Variants in PAM16 observed in about 807,000 individuals in gnomAD.
PAM16 encodes the protein mitochondrial import inner membrane translocase subunit TIM16.
A neutral mutation model predicts 17.9 loss-of-function variants in PAM16; 11 were observed. The ratio of observed to expected loss-of-function variants is 0.62; its 90% CI spans 0.39 to 1.02. The LOEUF is 1.02. PAM16 is among the 50% of genes least tolerant of loss of function. The pLI is 0.01. For missense variants in PAM16, 199 were observed against 165.4 expected, an observed-to-expected ratio of 1.20 and a Z score of -1.11; for synonymous variants, 72 against 67.4, an observed-to-expected ratio of 1.07 and a Z score of -0.34.
Position 4,340,942 on chromosome 16 carries a change from C to T in PAM16, c.269G>A (p.Gly90Asp), listed in dbSNP as rs376875983. Residue 90 changes from glycine (G) to aspartate (D), a missense_variant, in exon 4 of 5, where the codon GGC (glycine) becomes GAC (aspartate). By Grantham distance (94) the Gly-to-Asp change is moderately conservative. Transcript: ENST00000318059. The part of the protein sequence containing the change: ...LFKVNDKSVG[G>D]SFYLQSKVVR... The stretch of plus-strand genomic sequence containing the variant: ...CACCTTTGACTGCAGGTAGAAGGAG[C>T]CACCCACGGATTTATCATTCACCTT... The T allele has an allele frequency of 6.2e-7, 1 of 1,613,648 alleles. No individual in the cohort carries two copies. Among genetic ancestry groups the T allele is most frequent in the Non-Finnish European group, 8.5e-7 (1 of 1,179,972 alleles).
intron 2 of PAM16, 100 bp downstream of exon 2, chr16:4,343,107 C>T: frequency 6.6e-7 from 1 of 1,517,410 alleles, no homozygotes; most frequent in Non-Finnish European, 9.1e-7. Context: ...TCAGGCCACG[C>T]ACACTTCAGA....
At chr16:4,342,582 A>G (rs1222695341) in intron 2 of PAM16, among the ~76,000 whole-genome samples, 2 of 150,936 alleles carry the variant, frequency 1.3e-5, no homozygotes, top group Admixed American at 6.6e-5. Flanking sequence ...TGAACCCGGG[A>G]GGCAGAGGTT....
intron 1 of PAM16, among the ~76,000 whole-genome samples, chr16:4,350,210 G>A (rs2141157395): frequency 6.6e-6 from 1 of 151,606 alleles, no homozygotes; most frequent in African/African-American, 2.4e-5. Context: ...TGCCTCCTGG[G>A]TTCAAGCGAT....
At position 4,351,244 on chromosome 16, in the gene PAM16, T is replaced by C. The variant is rs2053854891; in HGVS notation, c.-10A>G. 2.7e-6 allele frequency: 4 copies of C among 1,467,596 alleles called. No individual in the cohort carries two copies. The highest frequency in any genetic ancestry group is 1.4e-5 in the African/African-American group (1 of 69,702). 90.9% of individuals were successfully genotyped at this position (1,467,596 alleles called of 1,614,324 possible). On this transcript the variant is annotated 5_prime_UTR_variant, in exon 1 of 5. Transcript: ENST00000318059. Reference sequence around the variant, plus strand: ...ACTCGGGGCTCACCATGGCAGCCGCTCTGCCTCCGGGGCTCAAACTCCGAC... The same window carrying C: ...ACTCGGGGCTCACCATGGCAGCCGCCCTGCCTCCGGGGCTCAAACTCCGAC...
chr16:4,340,366 T>C lies in PAM16; in HGVS notation c.331A>G (p.Ile111Val). The change falls in exon 5 of 5, where the codon ATC becomes GTC. Residue 111 changes from isoleucine to valine, a missense_variant. Ile to Val is a conservative substitution (Grantham distance 29). Coordinates refer to ENST00000318059, the MANE Select transcript of PAM16 (RefSeq NM_016069.11). ...AKERLDEELK[I>V]QAQEDREKGQ... ...TTTTCTCTGTCCTCCTGGGCCTGGA[T>C]TTTGAGTTCCTCATCCAGGCGCTCC... 2 of 1,612,914 alleles carry C rather than the reference T, an allele frequency of 1.2e-6. No individual in the cohort carries two copies. The highest frequency in any genetic ancestry group is 1.7e-6 in the Non-Finnish European group (2 of 1,179,918).
intron 1 of PAM16, chr16:4,344,132 G>C (rs1462813371): frequency 7.6e-6 from 3 of 396,794 alleles, no homozygotes; most frequent in Admixed American, 4.4e-5. Context: ...ACTAAGATGT[G>C]AGCGGAAGCA....
Position 4,349,986 on chromosome 16 carries a change from GCTGTTACA to G in PAM16, c.3+1238_3+1245del, listed in dbSNP as rs576929914. Among the ~76,000 whole-genome samples the G allele has an allele frequency of 2.7e-3, 409 of 152,218 alleles. 3 individuals carry two copies. Among genetic ancestry groups the G allele is most frequent in the African/African-American group, 9.7e-3 (401 of 41,526 alleles). The stretch of plus-strand genomic sequence containing the variant: ...AGGGGCTGGCACTTGTACGCCGTTA[GCTGTTACA>G]TTATCCTTATTACTATGTTAGTTAA... On this transcript the variant is annotated intron_variant, in intron 1 of 4. Coordinates refer to ENST00000318059, the MANE Select transcript of PAM16 (RefSeq NM_016069.11).
intron 3 of PAM16, 51 bp from the exon 4 acceptor site, chr16:4,341,036 T>C (rs753337345): frequency 5.1e-5 from 82 of 1,609,134 alleles, no homozygotes; most frequent in Middle Eastern, 1.7e-4. Flanking sequence ...AGGCAAGAGA[T>C]GTTGGGCAGG....
At chr16:4,348,086 G>GC (rs2053785664) in intron 1 of PAM16, 1 of 152,192 alleles carries the variant, frequency 6.6e-6, no homozygotes. Flanking sequence ...CACTCTCAAG[G>GC]ACACTCTGGT....
intron 1 of PAM16, among the ~76,000 whole-genome samples, chr16:4,349,050 G>A (rs1022880217): frequency 1.3e-5 from 2 of 151,072 alleles, no homozygotes; most frequent in Non-Finnish European, 2.9e-5. Flanking sequence ...CGGCCTCCCG[G>A]GTTCAAGCCA....
intron 1 of PAM16, chr16:4,343,693 C>T (rs149186910): frequency 3.2e-4 from 180 of 567,322 alleles, no homozygotes; most frequent in African/African-American, 3.1e-3. Context: ...CATCACTCTT[C>T]CTGAGTTTCT....
chr16:4,344,527 G>T (rs1185059500), intron 1 of PAM16, among the ~76,000 whole-genome samples: 62 of 87,134 alleles, frequency 7.1e-4, no homozygotes, highest in East Asian at 1.6e-3. Context: ...TGAGAGAAGG[G>T]GACTGTGTGA....
intron 1 of PAM16, among the ~76,000 whole-genome samples, chr16:4,346,347 C>T (rs115426093): frequency 3.1e-3 from 472 of 152,260 alleles, no homozygotes; most frequent in African/African-American, 0.011. Context: ...AAAATGTGGC[C>T]ACCAATAAAG....
chr16:4,350,538 C>A (rs1596257225), intron 1 of PAM16, among the ~76,000 whole-genome samples: 1 of 152,030 alleles, frequency 6.6e-6, no homozygotes, highest in Non-Finnish European at 1.5e-5. Flanking sequence ...GTAGCTTGGA[C>A]TACAGGCGCG....
chr16:4,341,536 T>A (rs2053647353), intron 2 of PAM16, 32 bp from the exon 3 acceptor site: 1 of 1,584,278 alleles, frequency 6.3e-7, no homozygotes, highest in Non-Finnish European at 8.6e-7. Context: ...CGCTCAGTCC[T>A]CAGCAGCCCA....
rs960697949 is a variant in PAM16 at position 4,348,877 on chromosome 16, G to C, written c.3+2355C>G. Among the ~76,000 whole-genome samples the C allele has an allele frequency of 2.5e-4, 38 of 150,522 alleles. No homozygotes were observed. The Admixed American group carries it at 2.5e-3, about 10-fold the overall frequency. On this transcript the variant is annotated intron_variant, in intron 1 of 4. Transcript: ENST00000318059. ...TCACCGTGTTGCCCAGGCTGGTCTC[G>C]AACCCCTGAGCTCAGGTAATCCACC...
At chr16:4,342,973 C>T (rs559784564) in intron 2 of PAM16, among the ~76,000 whole-genome samples, 7 of 152,272 alleles carry the variant, frequency 4.6e-5, no homozygotes, top group African/African-American at 1.7e-4. Flanking sequence ...AAAGAAAAAA[C>T]AAGTTTACAA....
In PAM16 at chr16:4,341,665, G is replaced by A. The variant is rs989354088; in HGVS notation, c.89-161C>T. 4 of 1,233,542 alleles carry A rather than the reference G, an allele frequency of 3.2e-6. No homozygotes were observed. In the African/African-American group the frequency reaches 4.5e-5, roughly 14 times the overall value. The allele number at this position is 1,233,542 out of a possible 1,614,324, so 76.4% of individuals were successfully genotyped here. ...TCCAGGAGTGGTTTCCTTTTTAGGG[G>A]GTAGAGGCTGGGAAAGTGAGGACAG... On this transcript the variant is annotated intron_variant, in intron 2 of 4. Transcript: ENST00000318059.
intron 1 of PAM16, chr16:4,350,868 G>A (rs2053843378): frequency 4.8e-6 from 1 of 207,510 alleles, no homozygotes; most frequent in African/African-American, 2.3e-5. Flanking sequence ...TTCCACTGGG[G>A]ATAACAACAG....
Sources: allele counts gnomAD v4.1 joint callset (sites outside exome capture counted in the v4.1 genomes callset), GRCh38; gene constraint gnomAD v4.1.1; transcripts MANE v1.5; gene names NCBI Gene and HGNC (gene_info 2026-07-23, HGNC 2026-07-21).